Variants in SMIM10L3 observed in about 807,000 individuals in gnomAD.
SMIM10L3 encodes the protein salivary gland specific protein SAGSIN1.
At chr7:6,344,764 G>A in the SMIM10L3 span, among the ~76,000 whole-genome samples, 323 of 151,886 alleles carry the variant, frequency 2.1e-3, no homozygotes, top group African/African-American at 7.0e-3. Context: ...TTTTGGAGAC[G>A]GAGTCTCACT....
chr7:6,340,177 G>A, the SMIM10L3 span, among the ~76,000 whole-genome samples: 16 of 152,178 alleles, frequency 1.1e-4, no homozygotes, highest in African/African-American at 3.1e-4. Flanking sequence ...GAGCTACCGC[G>A]CCCGGCCCCT....
chr7:6,330,940 G>A, the SMIM10L3 span: 2 of 1,614,238 alleles, frequency 1.2e-6, no homozygotes, highest in Non-Finnish European at 1.7e-6. Flanking sequence ...CCAGAGGCCA[G>A]CCCCGCTCGG....
At chr7:6,347,419 G>C in the SMIM10L3 span, among the ~76,000 whole-genome samples, 1 of 152,016 alleles carries the variant, frequency 6.6e-6, no homozygotes, top group Admixed American at 6.6e-5. Context: ...AGGAGGCTGA[G>C]TCAGGAGAAT....
At chr7:6,343,662 G>A in the SMIM10L3 span, among the ~76,000 whole-genome samples, 99 of 151,948 alleles carry the variant, frequency 6.5e-4, no homozygotes, top group African/African-American at 2.2e-3. Flanking sequence ...AGGCTTGCTT[G>A]CAAATAGTAT....
the SMIM10L3 span, among the ~76,000 whole-genome samples, chr7:6,340,282 T>G: frequency 1.3e-5 from 2 of 152,178 alleles, no homozygotes; most frequent in African/African-American, 4.8e-5. Flanking sequence ...TCCCAGCTGC[T>G]GTCGATCAGA....
the SMIM10L3 span, chr7:6,330,008 G>A: frequency 3.4e-5 from 8 of 237,402 alleles, no homozygotes; most frequent in Non-Finnish European, 7.0e-5. Context: ...ACTTCCATTG[G>A]GTGATCAGAC....
chr7:6,330,809 G>A, the SMIM10L3 span: 6 of 1,614,022 alleles, frequency 3.7e-6, no homozygotes, highest in South Asian at 1.1e-5. Context: ...CAGGACACCC[G>A]AGCAAAACAC....
the SMIM10L3 span, chr7:6,330,002 CCATTG>C: frequency 4.2e-6 from 1 of 240,046 alleles, no homozygotes; most frequent in Non-Finnish European, 8.7e-6. Flanking sequence ...GTATCCACTT[CCATTG>C]GGTGATCAGA....
At chr7:6,348,240 G>T in the SMIM10L3 span, among the ~76,000 whole-genome samples, 2 of 150,722 alleles carry the variant, frequency 1.3e-5, no homozygotes, top group African/African-American at 4.9e-5. Context: ...TAAGGGGGGG[G>T]GTTGCAAAGT....
chr7:6,342,362 T>C, the SMIM10L3 span, among the ~76,000 whole-genome samples: 272 of 151,820 alleles, frequency 1.8e-3, 1 homozygote, highest in African/African-American at 5.6e-3. Flanking sequence ...CCAGCTAACA[T>C]GGCAAAACCC....
At chr7:6,330,446 C>T in the SMIM10L3 span, 64,445 of 1,613,928 alleles carry the variant, frequency 0.04, 2,271 homozygotes, top group East Asian at 0.19. Flanking sequence ...ATCTGCAGAC[C>T]ATCTGAGGTG....
chr7:6,346,938 A>G, the SMIM10L3 span, among the ~76,000 whole-genome samples: 1 of 152,170 alleles, frequency 6.6e-6, no homozygotes, highest in South Asian at 2.1e-4. Context: ...CCTTCAGCAC[A>G]GAGGTATGCA....
the SMIM10L3 span, among the ~76,000 whole-genome samples, chr7:6,333,937 C>T: frequency 1.3e-5 from 2 of 149,952 alleles, no homozygotes; most frequent in African/African-American, 4.9e-5. Flanking sequence ...AGCTCCACCT[C>T]CCGGGTTCAC....
the SMIM10L3 span, among the ~76,000 whole-genome samples, chr7:6,339,875 C>T: frequency 2.0e-5 from 3 of 151,428 alleles, no homozygotes; most frequent in Admixed American, 1.3e-4. Context: ...GGTGCCAGCT[C>T]GGCGTCAGGC....
chr7:6,332,887 G>A, the SMIM10L3 span, among the ~76,000 whole-genome samples: 7 of 152,094 alleles, frequency 4.6e-5, no homozygotes, highest in African/African-American at 1.7e-4. Context: ...TTGGCCAGGC[G>A]CAGTGGCTCA....
At chr7:6,335,937 C>T in the SMIM10L3 span, among the ~76,000 whole-genome samples, 9 of 152,086 alleles carry the variant, frequency 5.9e-5, no homozygotes, top group East Asian at 1.5e-3. Context: ...CTCTGGGAGG[C>T]CAAGACGGAT....
chr7:6,346,144 A>G, the SMIM10L3 span, among the ~76,000 whole-genome samples: 1 of 151,992 alleles, frequency 6.6e-6, no homozygotes, highest in Non-Finnish European at 1.5e-5. Flanking sequence ...CTGACTAGAT[A>G]CGGCAAATAC....
At chr7:6,348,110 G>A in the SMIM10L3 span, among the ~76,000 whole-genome samples, 1 of 151,034 alleles carries the variant, frequency 6.6e-6, no homozygotes, top group Non-Finnish European at 1.5e-5. Context: ...GGGTTTCTCC[G>A]TGTTGGTCAG....
chr7:6,336,234 C>A, the SMIM10L3 span, among the ~76,000 whole-genome samples: 1 of 151,240 alleles, frequency 6.6e-6, no homozygotes, highest in African/African-American at 2.4e-5. Context: ...TAGTCCCAGT[C>A]ACTTGAGAGG....
Sources: allele counts gnomAD v4.1 joint callset (sites outside exome capture counted in the v4.1 genomes callset), GRCh38; gene constraint gnomAD v4.1.1; transcripts MANE v1.5; gene names NCBI Gene and HGNC (gene_info 2026-07-23, HGNC 2026-07-21).